The following PPP2R2D variants were observed in gnomAD, a reference collection of about 807,000 sequenced individuals.
The protein encoded by PPP2R2D is protein phosphatase 2 regulatory subunit Bdelta.
A neutral mutation model predicts 31.1 loss-of-function variants in PPP2R2D; 9 were observed. The observed-to-expected ratio is 0.29, with a 90% confidence interval of 0.17 to 0.51. PPP2R2D has a LOEUF of 0.51. Ranked by LOEUF, PPP2R2D falls within the 20% of genes least tolerant of loss-of-function variation. The pLI is 0.98. For synonymous variants in PPP2R2D, 179 were observed against 172.6 expected (o/e 1.04, Z -0.29); for missense variants, 391 against 465.6 (o/e 0.84, Z 1.48).
At chr10:131,930,352 G>A (rs1554895523) in intron 2 of PPP2R2D, among the ~76,000 whole-genome samples, 2 of 152,192 alleles carry the variant, frequency 1.3e-5, no homozygotes, top group African/African-American at 4.8e-5. Context: ...CTGGCCGCCT[G>A]GCTCATGTCC....
chr10:131,944,445 C>CTT (rs5789109), intron 6 of PPP2R2D, among the ~76,000 whole-genome samples: 36 of 149,996 alleles, frequency 2.4e-4, no homozygotes, highest in African/African-American at 5.6e-4. Flanking sequence ...ATTATGTGTT[C>CTT]TTTTTTTTTT....
At position 131,910,999 on chromosome 10, in the gene PPP2R2D, C is replaced by T. The variant is rs936491483; in HGVS notation, c.100+9669C>T. Among the ~76,000 whole-genome samples, 5 of 152,314 alleles carry T rather than the reference C, an allele frequency of 3.3e-5. No individual in the cohort carries two copies. In the South Asian group the frequency reaches 1.0e-3, roughly 32 times the overall value. On this transcript the variant is annotated intron_variant, in intron 2 of 8. Transcript: ENST00000455566. ...CCCCGTCCCTCGCCCTGTGCATCACCTCAGTGTCCTCTGTAGTCTCCTTTA... is the reference window on the plus strand; with the variant it reads ...CCCCGTCCCTCGCCCTGTGCATCACTTCAGTGTCCTCTGTAGTCTCCTTTA...
downstream of PPP2R2D, among the ~76,000 whole-genome samples, chr10:131,964,684 T>G (rs2036958392): frequency 6.6e-6 from 1 of 151,224 alleles, no homozygotes; most frequent in African/African-American, 2.4e-5. Context: ...TTTTTTTTTT[T>G]TGTCACTTTA....
At chr10:131,920,666 G>C (rs915126177) in intron 2 of PPP2R2D, among the ~76,000 whole-genome samples, 1 of 152,094 alleles carries the variant, frequency 6.6e-6, no homozygotes, top group Non-Finnish European at 1.5e-5. Flanking sequence ...AGTATCTCAC[G>C]CCTGTAATCC....
intron 2 of PPP2R2D, among the ~76,000 whole-genome samples, chr10:131,932,673 C>CAAAAAA (rs1246959357): frequency 8.9e-6 from 1 of 112,856 alleles, no homozygotes; most frequent in African/African-American, 3.9e-5. Flanking sequence ...AAAAAACACA[C>CAAAAAA]AAAAAAAACC....
intron 2 of PPP2R2D, among the ~76,000 whole-genome samples, chr10:131,931,094 G>A (rs545228367): frequency 2.0e-5 from 3 of 152,186 alleles, no homozygotes; most frequent in Non-Finnish European, 4.4e-5. Context: ...CCTTGAGCAC[G>A]CAGGGTCCCA....
chr10:131,955,602 G>A, intron 8 of PPP2R2D, 82 bp from the exon 9 acceptor site: 3 of 1,253,858 alleles, frequency 2.4e-6, no homozygotes, highest in Non-Finnish European at 3.1e-6. Flanking sequence ...GGCGTGCGCT[G>A]TGCACCCCAG....
the PPP2R2D span, chr10:131,971,021 G>T: frequency 6.5e-7 from 1 of 1,544,538 alleles, no homozygotes; most frequent in Non-Finnish European, 8.9e-7. Context: ...ACGTGACACG[G>T]GAAAGCACCC....
downstream of PPP2R2D, among the ~76,000 whole-genome samples, chr10:131,960,604 G>C (rs549164820): frequency 2.9e-3 from 443 of 152,296 alleles, 3 homozygotes; most frequent in African/African-American, 9.7e-3. Flanking sequence ...AAAGCCCAGT[G>C]CCATGGGATT....
At chr10:131,916,604 G>A (rs2035786516) in intron 2 of PPP2R2D, among the ~76,000 whole-genome samples, 1 of 152,142 alleles carries the variant, frequency 6.6e-6, no homozygotes, top group Non-Finnish European at 1.5e-5. Context: ...CCCAGTCTAG[G>A]GACCTCAGGC....
chr10:131,912,498 T>C (rs1209054002), intron 2 of PPP2R2D: 2 of 152,252 alleles, frequency 1.3e-5, no homozygotes, highest in African/African-American at 2.4e-5. Flanking sequence ...CCACTTGCCT[T>C]TTTTCATTAA....
Position 131,945,372 on chromosome 10 carries a change from T to C in PPP2R2D, c.733T>C (p.Cys245Arg). Residue 245 changes from cysteine to arginine, a missense_variant, in exon 7 of 9, where the codon TGC (cysteine) becomes CGC (arginine). Around this residue, in one of 3 missense-constraint regions of PPP2R2D, gnomAD observed 123 missense variants for 187.7 expected, o/e 0.66. Coordinates refer to ENST00000455566, the MANE Select transcript of PPP2R2D (RefSeq NM_018461.5). The surrounding 1 kb of genome is among the most constrained non-coding windows in gnomAD (Gnocchi z 4.8). ...ITAAEFHPHQCNVFVYSSSKG... is the reference protein window; with the variant it reads ...ITAAEFHPHQRNVFVYSSSKG... The stretch of plus-strand genomic sequence containing the variant: ...TGCAGCCGAGTTCCACCCGCACCAG[T>C]GCAACGTGTTCGTCTACAGCAGTAG... The C allele has an allele frequency of 6.2e-7, 1 of 1,614,184 alleles. No individual in the cohort carries two copies. Among genetic ancestry groups the C allele is most frequent in the Non-Finnish European group, 8.5e-7 (1 of 1,180,030 alleles).
intron 8 of PPP2R2D, among the ~76,000 whole-genome samples, chr10:131,952,205 GCGGGTGTGC>G (rs2036654002): frequency 4.4e-5 from 3 of 68,664 alleles, no homozygotes; most frequent in Admixed American, 1.6e-4. Flanking sequence ...GCAGTGACTT[GCGGGTGTGC>G]GGGGGGGTTC....
intron 4 of PPP2R2D, 69 bp from the exon 5 acceptor site, chr10:131,940,513 G>A (rs2036423253): frequency 1.4e-6 from 1 of 692,652 alleles, no homozygotes. Flanking sequence ...TCTAATACCA[G>A]TACTCAAACA....
At chr10:131,927,563 C>T (rs1375222757) in intron 2 of PPP2R2D, among the ~76,000 whole-genome samples, 1 of 152,096 alleles carries the variant, frequency 6.6e-6, no homozygotes, top group African/African-American at 2.4e-5. Context: ...CCCAGATATG[C>T]AGTACTGACT....
downstream of PPP2R2D, among the ~76,000 whole-genome samples, chr10:131,960,274 G>A (rs899267422): frequency 5.3e-5 from 8 of 152,232 alleles, 1 homozygote; most frequent in Admixed American, 2.0e-4. Context: ...GTAGAACAGT[G>A]TCATCAGCTT....
At chr10:131,966,026 T>C in the PPP2R2D span, among the ~76,000 whole-genome samples, 2 of 152,250 alleles carry the variant, frequency 1.3e-5, no homozygotes, top group African/African-American at 2.4e-5. Context: ...TATTTAGTTA[T>C]ATCCTTGTGC....
rs1225696319 is a variant in PPP2R2D, at chr10:131,916,183, G to T, written c.100+14853G>T. Among the ~76,000 whole-genome samples, 7 of 152,320 alleles carry T rather than the reference G, an allele frequency of 4.6e-5. No individual in the cohort carries two copies. In the South Asian group the frequency reaches 1.5e-3, roughly 32 times the overall value. The stretch of plus-strand genomic sequence containing the variant: ...CTGATAACCTCCGTGTTCCCCGCAG[G>T]ACAGGCTGTGGTGGAGGCGCACACA... On this transcript the variant is annotated intron_variant, in intron 2 of 8. Transcript: ENST00000455566.
intron 2 of PPP2R2D, among the ~76,000 whole-genome samples, chr10:131,929,132 C>T (rs1219054142): frequency 2.6e-5 from 4 of 152,196 alleles, no homozygotes; most frequent in Non-Finnish European, 4.4e-5. Context: ...TGTACTACCT[C>T]GGAAATCTTG....
Sources: allele counts gnomAD v4.1 joint callset (sites outside exome capture counted in the v4.1 genomes callset), GRCh38; gene constraint gnomAD v4.1.1; regional missense constraint gnomAD v4.1.1; non-coding constraint Gnocchi (gnomAD v3.1); transcripts MANE v1.5; gene names NCBI Gene and HGNC (gene_info 2026-07-23, HGNC 2026-07-21).